The following PCP4 variants were observed in gnomAD, a reference collection of about 807,000 sequenced individuals.
PCP4 encodes the protein calmodulin regulator protein PCP4.
Under a neutral mutation model 10.0 loss-of-function variants are expected in PCP4, and 8 were observed. The ratio of observed to expected loss-of-function variants is 0.80; its 90% confidence interval spans 0.47 to 1.45. PCP4 has a LOEUF of 1.45. PCP4 is among the 40% of genes most tolerant of loss of function. The probability of loss-of-function intolerance (pLI) is 0.00; values close to 1 mark genes in which losing one functional copy is unlikely to be tolerated. For missense variants in PCP4, 54 were observed against 74.4 expected, an observed-to-expected ratio of 0.73 and a Z score of 1.01; for synonymous variants, 21 against 23.0, an observed-to-expected ratio of 0.91 and a Z score of 0.24.
At chr21:39,901,264 T>G (rs1410819268) in intron 2 of PCP4, among the ~76,000 whole-genome samples, 1 of 152,182 alleles carries the variant, frequency 6.6e-6, no homozygotes, top group African/African-American at 2.4e-5. Flanking sequence ...ACCAAAAATG[T>G]TTTTGATCTT....
chr21:39,891,610 C>G (rs937616499), intron 1 of PCP4, among the ~76,000 whole-genome samples: 5 of 152,224 alleles, frequency 3.3e-5, no homozygotes, highest in Admixed American at 6.5e-5. Context: ...CCACTACCAT[C>G]AAGGCGCGTA....
intron 2 of PCP4, 93 bp downstream of exon 2, chr21:39,898,620 A>G: frequency 1.1e-6 from 1 of 928,262 alleles, no homozygotes; most frequent in Non-Finnish European, 1.8e-6. Context: ...CATCCCAAAC[A>G]GCTTACTATA....
intron 1 of PCP4, among the ~76,000 whole-genome samples, chr21:39,871,445 G>A (rs1337329690): frequency 6.6e-6 from 1 of 152,210 alleles, no homozygotes; most frequent in African/African-American, 2.4e-5. Flanking sequence ...TGCATAAAAT[G>A]TGGGTTTTGC....
chr21:39,920,040 T>C (rs1360212751), intron 2 of PCP4, among the ~76,000 whole-genome samples: 1 of 123,112 alleles, frequency 8.1e-6, no homozygotes, highest in East Asian at 2.3e-4. Context: ...TAGGTATGTA[T>C]GTGTGGTGTG....
At chr21:39,874,605 A>G (rs890796513) in intron 1 of PCP4, among the ~76,000 whole-genome samples, 31 of 152,240 alleles carry the variant, frequency 2.0e-4, no homozygotes, top group Middle Eastern at 3.4e-3. Flanking sequence ...TATAACAAGG[A>G]AACACAGAAA....
At chr21:39,897,375 G>A (rs2087461898) in intron 1 of PCP4, among the ~76,000 whole-genome samples, 2 of 133,312 alleles carry the variant, frequency 1.5e-5, no homozygotes, top group Non-Finnish European at 1.6e-5. Context: ...GACAGAGTGA[G>A]ACTCTGTCTC....
intron 1 of PCP4, among the ~76,000 whole-genome samples, chr21:39,867,927 G>C (rs550856013): frequency 6.6e-6 from 1 of 152,322 alleles, no homozygotes; most frequent in South Asian, 2.1e-4. Context: ...ACAAGGTGGG[G>C]AAAGGGCTGG....
At chr21:39,913,231 C>T (rs751446893) in intron 2 of PCP4, among the ~76,000 whole-genome samples, 12 of 115,470 alleles carry the variant, frequency 1.0e-4, no homozygotes, top group Non-Finnish European at 1.9e-4. Flanking sequence ...GCCATGAGCT[C>T]TTAAGATAGT....
At chr21:39,871,336 G>GT (rs2087319058) in intron 1 of PCP4, among the ~76,000 whole-genome samples, 1 of 152,162 alleles carries the variant, frequency 6.6e-6, no homozygotes, top group African/African-American at 2.4e-5. Flanking sequence ...TTCTTACAAC[G>GT]TAAGGGTAAA....
chr21:39,891,282 G>A (rs963916742), intron 1 of PCP4, among the ~76,000 whole-genome samples: 1 of 152,194 alleles, frequency 6.6e-6, no homozygotes, highest in East Asian at 1.9e-4. Context: ...CTCAGCGTGG[G>A]CTCTGCAGAC....
intron 2 of PCP4, among the ~76,000 whole-genome samples, chr21:39,905,685 C>A (rs1199373749): frequency 6.6e-6 from 1 of 152,118 alleles, no homozygotes; most frequent in Non-Finnish European, 1.5e-5. Context: ...TGCTTGAAGC[C>A]TTGTGGACAG....
intron 1 of PCP4, among the ~76,000 whole-genome samples, chr21:39,886,528 C>G (rs2087401378): frequency 1.3e-5 from 2 of 152,140 alleles, no homozygotes; most frequent in South Asian, 2.1e-4. Flanking sequence ...TTGCTTGAAC[C>G]TGGGAGGTGG....
intron 2 of PCP4, among the ~76,000 whole-genome samples, chr21:39,905,110 T>C (rs984851965): frequency 2.0e-5 from 3 of 152,118 alleles, no homozygotes; most frequent in African/African-American, 7.2e-5. Context: ...GAATCCACCA[T>C]AGTGAGAGAT....
At chr21:39,905,556 C>T (rs918159824) in intron 2 of PCP4, among the ~76,000 whole-genome samples, 4 of 152,154 alleles carry the variant, frequency 2.6e-5, no homozygotes, top group African/African-American at 9.7e-5. Flanking sequence ...ACATCCATCT[C>T]AGTTAGAAGA....
chr21:39,889,732 G>C (rs1339612216), intron 1 of PCP4, among the ~76,000 whole-genome samples: 1 of 152,042 alleles, frequency 6.6e-6, no homozygotes, highest in African/African-American at 2.4e-5. Flanking sequence ...CAAGTTCTTA[G>C]AGTGAATACA....
At chr21:39,871,263 C>A in intron 1 of PCP4, among the ~76,000 whole-genome samples, 1 of 152,156 alleles carries the variant, frequency 6.6e-6, no homozygotes, top group East Asian at 1.9e-4. Context: ...CACGATTGCC[C>A]AGTGGAGGGA....
chr21:39,889,411 C>CTT lies in PCP4; in HGVS notation c.10-9043_10-9042dup, dbSNP rs547540626. On this transcript the variant is annotated intron_variant, in intron 1 of 2. Transcript: ENST00000328619. Reference sequence around the variant, plus strand: ...ACCAAATTAAATATCAAACCAAGTTCTTTTTTTTTTTTTTTTTTTTTTTGA... The same window carrying CTT: ...ACCAAATTAAATATCAAACCAAGTTCTTTTTTTTTTTTTTTTTTTTTTTTTGA... 5.2e-3 allele frequency among the ~76,000 whole-genome samples: 448 copies of CTT among 85,668 alleles called. 3 individuals are homozygous for CTT. The highest frequency in any genetic ancestry group is 7.4e-3 in the Middle Eastern group (1 of 136). 56.2% of individuals were successfully genotyped at this position (85,668 alleles called of 152,430 possible).
intron 1 of PCP4, among the ~76,000 whole-genome samples, chr21:39,875,685 A>G (rs926295797): frequency 1.3e-5 from 2 of 152,348 alleles, no homozygotes; most frequent in African/African-American, 2.4e-5. Flanking sequence ...CTGCAGATCC[A>G]TAACAGAACT....
intron 2 of PCP4, among the ~76,000 whole-genome samples, chr21:39,927,225 C>T (rs1189707206): frequency 6.6e-6 from 1 of 151,636 alleles, no homozygotes; most frequent in Non-Finnish European, 1.5e-5. Context: ...CTATCTATTA[C>T]CTGTCTATCT....
Sources: allele counts gnomAD v4.1 joint callset (sites outside exome capture counted in the v4.1 genomes callset), GRCh38; gene constraint gnomAD v4.1.1; transcripts MANE v1.5; gene names NCBI Gene and HGNC (gene_info 2026-07-23, HGNC 2026-07-21).